The following TMEM192 variants were observed in gnomAD, a reference collection of about 807,000 sequenced individuals.
TMEM192 encodes the protein transmembrane protein 192.
A neutral mutation model predicts 26.7 loss-of-function variants in TMEM192; 20 were observed. The observed-to-expected ratio is 0.75, with a 90% CI of 0.53 to 1.09. The LOEUF is 1.09. Among genes scored for constraint, TMEM192 ranks in the 50% least tolerant of loss-of-function variants. TMEM192 has a pLI of 0.00. For missense variants in TMEM192, 304 were observed against 322.6 expected, an observed-to-expected ratio of 0.94 and a Z score of 0.44; for synonymous variants, 124 against 121.0, an observed-to-expected ratio of 1.02 and a Z score of -0.16.
At chr4:165,084,769 C>T (rs1258362312) in intron 5 of TMEM192, among the ~76,000 whole-genome samples, 1 of 150,412 alleles carries the variant, frequency 6.6e-6, no homozygotes, top group Non-Finnish European at 1.5e-5. Flanking sequence ...ATTAGCTGGG[C>T]ATGTATAGTT....
chr4:165,098,487 T>C (rs1237127158), intron 3 of TMEM192, among the ~76,000 whole-genome samples: 2 of 151,916 alleles, frequency 1.3e-5, no homozygotes, highest in Admixed American at 1.3e-4. Flanking sequence ...ATTTCTCATT[T>C]TTGGTAGAGA....
intron 5 of TMEM192, among the ~76,000 whole-genome samples, chr4:165,084,925 T>C (rs1734575886): frequency 2.0e-5 from 3 of 152,000 alleles, no homozygotes; most frequent in South Asian, 2.1e-4. Flanking sequence ...GAGGATTGCT[T>C]GAGCCCAGGA....
In TMEM192 at chr4:165,102,945, C is replaced by T; in HGVS notation, c.174+5G>A. On this transcript the variant is annotated splice_donor_5th_base_variant and intron_variant, in intron 2 of 5. Coordinates refer to ENST00000306480, the MANE Select transcript of TMEM192 (RefSeq NM_001100389.2). ...GGATAGGTCCCCTTCTTGCAGCCAA[C>T]TTACATGAATAAACCACAGAAGATT... is the stretch of plus-strand genomic sequence containing the variant. The T allele has an allele frequency of 6.2e-7, 1 of 1,607,704 alleles. No individual in the cohort carries two copies. The highest frequency in any genetic ancestry group is 8.5e-7 in the Non-Finnish European group (1 of 1,177,258).
rs995595814 is a variant in TMEM192 at position 165,074,081 on chromosome 4, G to GACGAGAAATACCC, written c.*5564_*5576dup. ...CTTTTCTCAGTCTCTCGTCCCACCT[G>GACGAGAAATACCC]ACGAGAAATACCCACAGGTGTGGAG... On this transcript the variant is annotated 3_prime_UTR_variant, in exon 6 of 6. Coordinates refer to ENST00000306480, the MANE Select transcript of TMEM192 (RefSeq NM_001100389.2). 5.6e-5 allele frequency: 8 copies of GACGAGAAATACCC among 141,594 alleles called. No homozygotes were observed. The highest frequency in any genetic ancestry group is 2.1e-4 in the African/African-American group (8 of 38,950). 8.8% of individuals were successfully genotyped at this position (141,594 alleles called of 1,614,324 possible).
chr4:165,103,672 C>A (rs1413674165), intron 1 of TMEM192, among the ~76,000 whole-genome samples: 1 of 152,034 alleles, frequency 6.6e-6, no homozygotes, highest in African/African-American at 2.4e-5. Flanking sequence ...TGCACCACCA[C>A]ACCCGGCTAA....
chr4:165,094,369 A>G (rs1364235959), intron 3 of TMEM192, among the ~76,000 whole-genome samples: 1 of 152,190 alleles, frequency 6.6e-6, no homozygotes, highest in Non-Finnish European at 1.5e-5. Flanking sequence ...TTTTATAACC[A>G]TAGACATAGT....
intron 5 of TMEM192, 105 bp downstream of exon 5, chr4:165,085,481 C>A: frequency 2.6e-6 from 2 of 765,676 alleles, no homozygotes; most frequent in South Asian, 1.8e-5. Context: ...ACAAATCAAA[C>A]AAATGTAAAA....
intron 1 of TMEM192, among the ~76,000 whole-genome samples, chr4:165,105,719 T>C (rs1735146130): frequency 6.6e-6 from 1 of 152,222 alleles, no homozygotes; most frequent in East Asian, 1.9e-4. Flanking sequence ...GGTCTTGAAC[T>C]CTTAGCCTCA....
At chr4:165,107,423 G>A (rs12506685) in intron 1 of TMEM192, among the ~76,000 whole-genome samples, 3,868 of 151,114 alleles carry the variant, frequency 0.026, 77 homozygotes, top group South Asian at 0.067. Context: ...TGCAGCCTCC[G>A]TGCCCCCCTC....
At chr4:165,098,338 T>C (rs1269124824) in intron 3 of TMEM192, among the ~76,000 whole-genome samples, 2 of 152,200 alleles carry the variant, frequency 1.3e-5, no homozygotes, top group Admixed American at 6.5e-5. Context: ...TTGGCCAGGC[T>C]GGTCTCGAAC....
Position 165,073,523 on chromosome 4 carries a change from C to T in TMEM192, c.*6135G>A, listed in dbSNP as rs1347337183. On this transcript the variant is annotated 3_prime_UTR_variant, in exon 6 of 6. Coordinates refer to ENST00000306480, the MANE Select transcript of TMEM192 (RefSeq NM_001100389.2). ...TACGGCCTCGTGGGAAAGGAAAGGC[C>T]TTACCATCCCCCAGCCCGACACCTG... 6.6e-6 allele frequency: 1 copy of T among 152,150 alleles called. No homozygotes were observed. The highest frequency in any genetic ancestry group is 2.4e-5 in the African/African-American group (1 of 41,420). 9.4% of individuals were successfully genotyped at this position (152,150 alleles called of 1,614,324 possible).
Position 165,079,454 on chromosome 4 carries a change from G to C in TMEM192, c.*204C>G, listed in dbSNP as rs1003179584. ...AACAGACATTCCCCTCAAGTTATCC[G>C]GGCTTCTACAGGTACTTTTCAAGTG... On this transcript the variant is annotated 3_prime_UTR_variant, in exon 6 of 6. Coordinates refer to ENST00000306480, the MANE Select transcript of TMEM192 (RefSeq NM_001100389.2). The C allele has an allele frequency of 3.4e-5, 16 of 470,726 alleles. No homozygotes were observed. Among genetic ancestry groups the C allele is most frequent in the East Asian group, 1.4e-4 (4 of 28,980 alleles). The allele number at this position is 470,726 out of a possible 1,614,324, so 29.2% of individuals were successfully genotyped here.
At position 165,085,574 on chromosome 4, in the gene TMEM192, C is replaced by T. The variant is rs556161304; in HGVS notation, c.677+12G>A. 2 of 1,576,776 alleles carry T rather than the reference C, an allele frequency of 1.3e-6. No individual in the cohort carries two copies. Among genetic ancestry groups the T allele is most frequent in the Middle Eastern group, 1.7e-4 (1 of 5,940 alleles). Reference sequence around the variant, plus strand: ...AAAAAACTCAATTATTTTATTCTCACCTAAATCTTACCTGAATCCAGTCTC... The same window carrying T: ...AAAAAACTCAATTATTTTATTCTCATCTAAATCTTACCTGAATCCAGTCTC... On this transcript the variant is annotated intron_variant, in intron 5 of 5. Coordinates refer to ENST00000306480, the MANE Select transcript of TMEM192 (RefSeq NM_001100389.2).
intron 2 of TMEM192, 105 bp downstream of exon 2, chr4:165,102,845 T>A: frequency 1.6e-5 from 15 of 943,134 alleles, no homozygotes; most frequent in Admixed American, 3.2e-5. Context: ...ACATGTGCCC[T>A]ACATTTTAAA....
chr4:165,081,754 C>A (rs1241327694), intron 5 of TMEM192, among the ~76,000 whole-genome samples: 1 of 36,652 alleles, frequency 2.7e-5, no homozygotes, highest in African/African-American at 4.9e-5. Context: ...CTCACTGCAA[C>A]CTCTGCCTCC....
At chr4:165,108,858 C>A (rs1735231286) in intron 1 of TMEM192, among the ~76,000 whole-genome samples, 1 of 152,176 alleles carries the variant, frequency 6.6e-6, no homozygotes, top group African/African-American at 2.4e-5. Context: ...ACCCTCAACT[C>A]CATCTCCTCA....
intron 1 of TMEM192, among the ~76,000 whole-genome samples, chr4:165,103,607 C>T (rs903128631): frequency 5.7e-5 from 7 of 122,762 alleles, no homozygotes; most frequent in African/African-American, 1.9e-4. Context: ...CTCCACCTCC[C>T]GGGTTCCAGC....
chr4:165,097,507 A>AAG (rs1223244338), intron 3 of TMEM192, among the ~76,000 whole-genome samples: 9 of 149,346 alleles, frequency 6.0e-5, no homozygotes, highest in East Asian at 3.9e-4. Flanking sequence ...AAAAAAAAAA[A>AAG]AAAGAAAAAA....
rs1214271271 is a variant in TMEM192, at chr4:165,074,347, TTTTGAGATCTCAAA to T, written c.*5297_*5310del. On this transcript the variant is annotated 3_prime_UTR_variant, in exon 6 of 6. Transcript: ENST00000306480. ...TTTTCCTTAGGAAACCTAGAGAATG[TTTTGAGATCTCAAA>T]TTTGTGATTGTCACATATTCAAAGT... 2 of 152,196 alleles carry T rather than the reference TTTTGAGATCTCAAA, an allele frequency of 1.3e-5. No homozygotes were observed. Among genetic ancestry groups the T allele is most frequent in the Admixed American group, 6.5e-5 (1 of 15,272 alleles). 9.4% of individuals were successfully genotyped at this position (152,196 alleles called of 1,614,324 possible).
Sources: gnomAD v4.1 joint callset for allele counts (sites outside exome capture counted in the v4.1 genomes callset) on GRCh38, gnomAD v4.1.1 for gene constraint, MANE v1.5 for transcripts, NCBI Gene and HGNC (gene_info 2026-07-23, HGNC 2026-07-21) for gene names.